NPRL3: variants seen among roughly 807,000 people sequenced by gnomAD.
The protein encoded by NPRL3 is GATOR1 complex protein NPRL3.
Under a neutral mutation model 57.2 loss-of-function variants are expected in NPRL3, and 23 were observed. That is an observed-to-expected ratio of 0.40 (90% CI 0.29 to 0.57). The LOEUF is 0.57. NPRL3 is among the 20% of genes least tolerant of loss of function. NPRL3 has a pLI of 0.42. For synonymous variants in NPRL3, 333 were observed against 321.1 expected (o/e 1.04, Z -0.39); for missense variants, 691 against 767.1 (o/e 0.90, Z 1.17).
At chr16:90,658 T>C (rs1386589798) in intron 11 of NPRL3, 2 of 152,296 alleles carry the variant, frequency 1.3e-5, no homozygotes, top group East Asian at 3.9e-4. Flanking sequence ...CACATCAGTG[T>C]CCTCAGATAC....
At chr16:100,863 C>T (rs1471353472) in intron 7 of NPRL3, among the ~76,000 whole-genome samples, 1 of 144,620 alleles carries the variant, frequency 6.9e-6, no homozygotes, top group African/African-American at 2.6e-5. Flanking sequence ...CCCAGCTACT[C>T]GGGAGGCTGA....
chr16:91,913 G>A (rs909926630), intron 11 of NPRL3, among the ~76,000 whole-genome samples: 1 of 152,180 alleles, frequency 6.6e-6, no homozygotes, highest in Non-Finnish European at 1.5e-5. Flanking sequence ...CTCAGCACAA[G>A]GCTATGACAC....
At chr16:93,380 C>G in intron 9 of NPRL3, 55 bp from the exon 10 acceptor site, 1 of 1,174,310 alleles carries the variant, frequency 8.5e-7, no homozygotes, top group Non-Finnish European at 1.2e-6. Context: ...CCACCGGGAG[C>G]TGTCAGCAGC....
intron 4 of NPRL3, 137 bp downstream of exon 4, chr16:118,989 C>T: frequency 4.5e-6 from 6 of 1,334,234 alleles, no homozygotes; most frequent in Non-Finnish European, 6.1e-6. Flanking sequence ...GCCCCACCTG[C>T]CCAAGGAGAG....
chr16:138,368 TGAG>T, intron 1 of NPRL3, 34 bp from the exon 2 acceptor site: 1 of 768,660 alleles, frequency 1.3e-6, no homozygotes, highest in Non-Finnish European at 1.8e-6. Context: ...GGAGGGGGCC[TGAG>T]GAGGACGAGG....
intron 9 of NPRL3, among the ~76,000 whole-genome samples, chr16:97,447 C>T (rs1243981036): frequency 1.1e-4 from 14 of 126,950 alleles, no homozygotes; most frequent in East Asian, 2.3e-4. Context: ...TTTGTAGAGA[C>T]GGGGTTTTGC....
Position 89,740 on chromosome 16 carries a change from G to A in NPRL3, c.1324C>T (p.Pro442Ser), listed in dbSNP as rs868572770. 6.3e-6 allele frequency: 10 copies of A among 1,593,078 alleles called. No homozygotes were observed. The highest frequency in any genetic ancestry group is 1.4e-5 in the African/African-American group (1 of 73,916). ...ARVGGRSLSTPNALSFGSPTS... is the reference protein window; with the variant it reads ...ARVGGRSLSTSNALSFGSPTS... ...GGGGAGCCAAAGCTGAGGGCGTTGGGCGTGCTGAGGCTGCGACCGCCGACC... is the reference window on the plus strand; with the variant it reads ...GGGGAGCCAAAGCTGAGGGCGTTGGACGTGCTGAGGCTGCGACCGCCGACC... The change falls in exon 12 of 14, where the codon CCC becomes TCC. Residue 442 changes from proline (P) to serine (S), a missense_variant. Coordinates refer to ENST00000611875, the MANE Select transcript of NPRL3 (RefSeq NM_001077350.3).
At chr16:89,525 C>T in intron 12 of NPRL3, 188 bp downstream of exon 12, 1 of 551,118 alleles carries the variant, frequency 1.8e-6, no homozygotes. Context: ...ACAGAGCTGC[C>T]ACCTCAGAGT....
intron 4 of NPRL3, among the ~76,000 whole-genome samples, chr16:118,742 C>A (rs72763662): frequency 6.6e-6 from 1 of 152,372 alleles, no homozygotes; most frequent in South Asian, 2.1e-4. Context: ...GAGCTGGTGT[C>A]AGCCTCAGTT....
intron 3 of NPRL3, among the ~76,000 whole-genome samples, chr16:119,648 T>G (rs1281535597): frequency 3.9e-5 from 6 of 152,216 alleles, no homozygotes; most frequent in Admixed American, 3.9e-4. Flanking sequence ...AGGTTTGCTG[T>G]GCTGCACCTT....
intron 3 of NPRL3, chr16:124,867 A>C (rs1900444637): frequency 6.6e-6 from 1 of 152,284 alleles, no homozygotes; most frequent in South Asian, 2.1e-4. Flanking sequence ...GCTTGAGGTC[A>C]GGAGTTCGAG....
intron 6 of NPRL3, among the ~76,000 whole-genome samples, chr16:111,272 C>T (rs762206463): frequency 7.9e-5 from 12 of 151,656 alleles, no homozygotes; most frequent in Non-Finnish European, 1.3e-4. Context: ...TGGTGGCGGG[C>T]GCCTGTAGTC....
intron 2 of NPRL3, among the ~76,000 whole-genome samples, chr16:131,229 C>T (rs570762594): frequency 2.4e-4 from 37 of 152,114 alleles, no homozygotes; most frequent in African/African-American, 8.9e-4. Flanking sequence ...CCTGTAATCC[C>T]AGCACTTTGG....
intron 5 of NPRL3, among the ~76,000 whole-genome samples, chr16:113,936 G>A (rs540829291): frequency 6.6e-6 from 1 of 152,194 alleles, no homozygotes; most frequent in African/African-American, 2.4e-5. Context: ...GCCAGAGAAA[G>A]GACTGTTGCT....
chr16:112,706 G>T lies in NPRL3; in HGVS notation c.463C>A (p.His155Asn). Reference sequence around the variant, plus strand: ...AGGTACTGGCAGCGGCGCTCCTCGTGCTGCAGCACGGTGGCGATACGACGG... The same window carrying T: ...AGGTACTGGCAGCGGCGCTCCTCGTTCTGCAGCACGGTGGCGATACGACGG... ...LSRRIATVLQ[H>N]EERRCQYLTR... is the part of the protein sequence containing the mutation. The change falls in exon 6 of 14, where the codon CAC (histidine) becomes AAC (asparagine). Residue 155 changes from histidine (H) to asparagine (N), a missense_variant. By Grantham distance (68) the His-to-Asn change is moderately conservative. Transcript: ENST00000611875. The T allele has an allele frequency of 6.2e-7, 1 of 1,611,958 alleles. No homozygotes were observed. The highest frequency in any genetic ancestry group is 8.5e-7 in the Non-Finnish European group (1 of 1,178,978).
intron 9 of NPRL3, among the ~76,000 whole-genome samples, chr16:94,887 C>T (rs1240495697): frequency 6.6e-6 from 1 of 152,176 alleles, no homozygotes; most frequent in Non-Finnish European, 1.5e-5. Context: ...GCAGCAGCCT[C>T]TCCAAGATGC....
intron 7 of NPRL3, among the ~76,000 whole-genome samples, chr16:105,974 C>A (rs1293020581): frequency 6.6e-6 from 1 of 152,206 alleles, no homozygotes; most frequent in Non-Finnish European, 1.5e-5. Flanking sequence ...AGGACAGGGC[C>A]ACCAGGCTAT....
At chr16:91,752 G>T (rs1217533517) in intron 11 of NPRL3, among the ~76,000 whole-genome samples, 1 of 152,220 alleles carries the variant, frequency 6.6e-6, no homozygotes, top group East Asian at 1.9e-4. Flanking sequence ...TTAAGGACTG[G>T]TTTTGCCTAA....
rs756045526 is a variant in NPRL3, at chr16:95,317, T to TTGTG, written c.925-1996_925-1993dup. 5.3e-3 allele frequency among the ~76,000 whole-genome samples: 568 copies of TTGTG among 106,944 alleles called. 3 individuals carry two copies. The highest frequency in any genetic ancestry group is 8.3e-3 in the African/African-American group (224 of 26,908). 70.2% of individuals were successfully genotyped at this position (106,944 alleles called of 152,430 possible). On this transcript the variant is annotated intron_variant, in intron 9 of 13. Coordinates refer to ENST00000611875, the MANE Select transcript of NPRL3 (RefSeq NM_001077350.3). Reference sequence around the variant, plus strand: ...ATTTTCATAATACAAAATAAAATGTTTGTGTGTGTATATATATATATATAT... The same window carrying TTGTG: ...ATTTTCATAATACAAAATAAAATGTTTGTGTGTGTGTGTATATATATATATATAT...
Sources: allele counts gnomAD v4.1 joint callset (sites outside exome capture counted in the v4.1 genomes callset), GRCh38; gene constraint gnomAD v4.1.1; transcripts MANE v1.5; gene names NCBI Gene and HGNC (gene_info 2026-07-23, HGNC 2026-07-21).